The following PANK1 variants were observed in gnomAD, a reference collection of about 807,000 sequenced individuals.
PANK1 encodes pantothenate kinase 1.
Under a neutral mutation model 40.1 loss-of-function variants are expected in PANK1, and 18 were observed. The observed-to-expected ratio is 0.45, with a 90% confidence interval of 0.31 to 0.67. PANK1 has a LOEUF of 0.67. Among genes scored for constraint, PANK1 ranks in the 30% least tolerant of loss-of-function variants. The pLI, the probability that PANK1 is intolerant of heterozygous loss-of-function variation, is 0.06. For synonymous variants in PANK1, 242 were observed against 237.7 expected (o/e 1.02, Z -0.17); for missense variants, 457 against 599.6 (o/e 0.76, Z 2.48).
intron 5 of PANK1, among the ~76,000 whole-genome samples, chr10:89,589,843 C>T (rs562665177): frequency 1.3e-5 from 2 of 150,722 alleles, no homozygotes; most frequent in African/African-American, 2.4e-5. Context: ...GAAACTCAGA[C>T]TAAAAAGAAA....
chr10:89,623,525 A>T (rs1589804453), intron 1 of PANK1, among the ~76,000 whole-genome samples: 1 of 147,732 alleles, frequency 6.8e-6, no homozygotes, highest in Non-Finnish European at 1.5e-5. Flanking sequence ...GCCTGGCCCA[A>T]TTTTTTTTTT....
intron 1 of PANK1, among the ~76,000 whole-genome samples, chr10:89,620,539 T>C (rs1845449489): frequency 6.6e-6 from 1 of 152,212 alleles, no homozygotes; most frequent in Non-Finnish European, 1.5e-5. Flanking sequence ...TGTTGTCTGC[T>C]CTCGAACCCT....
chr10:89,606,734 G>T (rs956764602), intron 2 of PANK1, among the ~76,000 whole-genome samples: 1 of 152,122 alleles, frequency 6.6e-6, no homozygotes, highest in African/African-American at 2.4e-5. Context: ...ATGTTGCCCA[G>T]GTGGGTCTTG....
Position 89,588,750 on chromosome 10 carries a change from T to A in PANK1, c.1228A>T (p.Asn410Tyr), listed in dbSNP as rs776118100. The change falls in exon 6 of 7, where the codon AAT (asparagine) becomes TAT (tyrosine). Residue 410 changes from asparagine to tyrosine, a missense_variant. Asn to Tyr is a moderately radical substitution (Grantham distance 143). This residue lies in a region of PANK1 where 286 missense variants were observed against 415.8 expected (regional missense o/e 0.69). Coordinates refer to ENST00000307534, the MANE Select transcript of PANK1 (RefSeq NM_148977.3). ...GAGACCATATTGATTCTGAGAAAATTTCCAACAAACACAACTCTGTCTATG... is the reference window on the plus strand; with the variant it reads ...GAGACCATATTGATTCTGAGAAAATATCCAACAAACACAACTCTGTCTATG... ...ENIDRVVFVG[N>Y]FLRINMVSMK... The A allele has an allele frequency of 6.2e-7, 1 of 1,602,256 alleles. No individual in the cohort carries two copies. The highest frequency in any genetic ancestry group is 1.7e-5 in the Admixed American group (1 of 58,262).
chr10:89,613,983 T>C (rs1270930237), intron 1 of PANK1: 1 of 456,724 alleles, frequency 2.2e-6, no homozygotes, highest in Admixed American at 2.3e-5. Context: ...TGCATTAAAA[T>C]TATCTCGAAT....
chr10:89,605,604 C>A (rs1453963503), intron 2 of PANK1, among the ~76,000 whole-genome samples: 1 of 152,168 alleles, frequency 6.6e-6, no homozygotes, highest in Non-Finnish European at 1.5e-5. Context: ...AGTTCTCTGG[C>A]TAGTTCTACC....
At chr10:89,638,405 C>T (rs1841885832) in intron 1 of PANK1, among the ~76,000 whole-genome samples, 1 of 152,212 alleles carries the variant, frequency 6.6e-6, no homozygotes, top group Non-Finnish European at 1.5e-5. Flanking sequence ...CAGCCTCTGG[C>T]TTCCTTCTAT....
intron 3 of PANK1, 130 bp downstream of exon 3, chr10:89,599,122 A>C (rs1406233969): frequency 1.0e-5 from 8 of 771,094 alleles, no homozygotes; most frequent in Non-Finnish European, 1.7e-5. Flanking sequence ...CCATTTGATA[A>C]ATTCTTTTTG....
At chr10:89,592,283 T>C (rs1181201580) in intron 5 of PANK1, among the ~76,000 whole-genome samples, 1 of 152,208 alleles carries the variant, frequency 6.6e-6, no homozygotes, top group African/African-American at 2.4e-5. Context: ...CTAACACCCA[T>C]GTATCATAAA....
rs1462340224 is a variant in PANK1, at chr10:89,583,693, A to T, written c.*713T>A. 1 of 152,172 alleles carries T rather than the reference A, an allele frequency of 6.6e-6. No individual in the cohort carries two copies. The highest frequency in any genetic ancestry group is 1.5e-5 in the Non-Finnish European group (1 of 68,026). 9.4% of individuals were successfully genotyped at this position (152,172 alleles called of 1,614,324 possible). A position where few individuals can be genotyped will look rare whatever the true frequency, so the allele number is the denominator to read the frequency against. ...CCAGACTCATTAAATTCATTAACAC[A>T]TTCAGTCTTCTCTTCACGGGCATTT... On this transcript the variant is annotated 3_prime_UTR_variant, in exon 7 of 7. Coordinates refer to ENST00000307534, the MANE Select transcript of PANK1 (RefSeq NM_148977.3).
chr10:89,612,610 T>A (rs1471280860), intron 1 of PANK1, among the ~76,000 whole-genome samples: 4 of 152,176 alleles, frequency 2.6e-5, no homozygotes, highest in African/African-American at 9.7e-5. Context: ...ACTGTTTTAA[T>A]CTATACAGTG....
Position 89,645,114 on chromosome 10 carries a change from C to A in PANK1, c.-223G>T. 1 of 1,490,782 alleles carries A rather than the reference C, an allele frequency of 6.7e-7. No individual in the cohort carries two copies. The highest frequency in any genetic ancestry group is 2.5e-5 in the Admixed American group (1 of 40,190). The allele number at this position is 1,490,782 out of a possible 1,614,324, so 92.3% of individuals were successfully genotyped here. A position where few individuals can be genotyped will look rare whatever the true frequency, so the allele number is the denominator to read the frequency against. On this transcript the variant is annotated 5_prime_UTR_variant, in exon 1 of 7. It adds an upstream start codon to the 5' untranslated region. Coordinates refer to ENST00000307534, the MANE Select transcript of PANK1 (RefSeq NM_148977.3). ...CGCGCGCCGGCCCCACGGCGCCGGC[C>A]TGGAGCACGCCAGCCCCGGGCGCGG... is the stretch of plus-strand genomic sequence containing the variant.
chr10:89,641,055 T>C (rs999342868), intron 1 of PANK1, among the ~76,000 whole-genome samples: 1 of 152,356 alleles, frequency 6.6e-6, no homozygotes, highest in Non-Finnish European at 1.5e-5. Context: ...TTGACAAACT[T>C]GGGAATTTGA....
downstream of PANK1, chr10:89,580,868 C>T (rs981482275): frequency 1.3e-5 from 2 of 152,316 alleles, no homozygotes; most frequent in South Asian, 4.1e-4. Context: ...TTCTCACCTC[C>T]ATTCAACTCT....
chr10:89,636,923 G>A (rs1419171513), intron 1 of PANK1, among the ~76,000 whole-genome samples: 7 of 150,098 alleles, frequency 4.7e-5, no homozygotes, highest in African/African-American at 1.7e-4. Flanking sequence ...GTGCAGTGGC[G>A]CGATCTCGAC....
intron 6 of PANK1, among the ~76,000 whole-genome samples, chr10:89,584,808 C>T (rs532419328): frequency 6.6e-6 from 1 of 152,114 alleles, no homozygotes; most frequent in East Asian, 1.9e-4. Context: ...AGTAAATTAC[C>T]CTTGCAGGGT....
At chr10:89,642,822 A>G (rs1433496454) in intron 1 of PANK1, among the ~76,000 whole-genome samples, 1 of 152,248 alleles carries the variant, frequency 6.6e-6, no homozygotes, top group East Asian at 1.9e-4. Flanking sequence ...AACATGGTAA[A>G]TAATGTAAAT....
At chr10:89,589,105 A>T (rs1468408396) in intron 5 of PANK1, among the ~76,000 whole-genome samples, 1 of 152,154 alleles carries the variant, frequency 6.6e-6, no homozygotes, top group Admixed American at 6.5e-5. Context: ...AGTTCAGCTA[A>T]ATTTTCATGT....
chr10:89,594,536 G>T lies in PANK1; in HGVS notation c.900-547C>A, dbSNP rs186475648. On this transcript the variant is annotated intron_variant, in intron 3 of 6. Transcript: ENST00000307534. ...TAAAAGCTGTGTTTTACCTGACCTT[G>T]CTTCTCTAGCAGAGATAATCTCATT... Among the ~76,000 whole-genome samples, 9 of 152,282 alleles carry T rather than the reference G, an allele frequency of 5.9e-5. No individual in the cohort carries two copies. In the East Asian group the frequency reaches 1.7e-3, roughly 29 times the overall value.
Sources: allele counts gnomAD v4.1 joint callset (sites outside exome capture counted in the v4.1 genomes callset), GRCh38; gene constraint gnomAD v4.1.1; regional missense constraint gnomAD v4.1.1; transcripts MANE v1.5; gene names NCBI Gene and HGNC (gene_info 2026-07-23, HGNC 2026-07-21).